GPC1: variants seen among roughly 807,000 people sequenced by gnomAD.
GPC1 encodes glypican-1.
In GPC1, 26 loss-of-function variants were observed where a neutral mutation model predicts 51.5. The ratio of observed to expected loss-of-function variants is 0.50; its 90% CI spans 0.37 to 0.70. GPC1 has a LOEUF of 0.70. Ranked by LOEUF, GPC1 falls within the 30% of genes least tolerant of loss-of-function variation. The pLI is 0.00. For synonymous variants in GPC1, 380 were observed against 348.3 expected, an observed-to-expected ratio of 1.09 and a Z score of -1.01; for missense variants, 775 against 800.5, an observed-to-expected ratio of 0.97 and a Z score of 0.38.
chr2:240,436,678 G>T (rs775821478), intron 1 of GPC1, among the ~76,000 whole-genome samples: 1 of 152,252 alleles, frequency 6.6e-6, no homozygotes, highest in Non-Finnish European at 1.5e-5. Context: ...AGTGCGGAGG[G>T]GTGGGGAGGG....
At chr2:240,453,710 C>T (rs1250471959) in intron 1 of GPC1, among the ~76,000 whole-genome samples, 2 of 151,344 alleles carry the variant, frequency 1.3e-5, no homozygotes, top group Admixed American at 6.6e-5. Context: ...GGGCCGCCGG[C>T]GCTGCTGCGT....
intron 1 of GPC1, among the ~76,000 whole-genome samples, chr2:240,456,253 A>G (rs2074161949): frequency 6.6e-6 from 1 of 151,908 alleles, no homozygotes; most frequent in Non-Finnish European, 1.5e-5. Flanking sequence ...GGGAGCTCCC[A>G]TATCTTACGG....
At chr2:240,458,886 C>T in intron 1 of GPC1, 144 bp from the exon 2 acceptor site, 1 of 669,098 alleles carries the variant, frequency 1.5e-6, no homozygotes, top group Non-Finnish European at 2.5e-6. Flanking sequence ...CTTCTGCCTT[C>T]ACCCAGGGCA....
At position 240,459,124 on chromosome 2, in the gene GPC1, C is replaced by G. The variant is rs779059220; in HGVS notation, c.261C>G (p.Thr87=). ...ACCGCAGCCATGCCGAGCTGGAGAC[C>G]GCGCTCCGGGACAGCAGCCGCGTCC... ...LANRSHAELE[T]ALRDSSRVLQ... The change falls in exon 2 of 9, where the codon ACC becomes ACG. Residue 87 remains threonine (T), a synonymous_variant. Coordinates refer to ENST00000264039, the MANE Select transcript of GPC1 (RefSeq NM_002081.3). 8 of 1,612,590 alleles carry G rather than the reference C, an allele frequency of 5.0e-6. No homozygotes were observed. The highest frequency in any genetic ancestry group is 2.7e-5 in the African/African-American group (2 of 74,934).
chr2:240,462,183 G>A lies in GPC1; in HGVS notation c.326-8G>A, dbSNP rs572933135. Reference sequence around the variant, plus strand: ...ATGGTCCCGATCACGCCCCCTCCCTGTGCGCAGACCACTTCCAGCACCTGC... The same window carrying A: ...ATGGTCCCGATCACGCCCCCTCCCTATGCGCAGACCACTTCCAGCACCTGC... On this transcript the variant is annotated splice_region_variant and splice_polypyrimidine_tract_variant and intron_variant, in intron 2 of 8. Transcript: ENST00000264039. The A allele has an allele frequency of 2.5e-6, 4 of 1,575,864 alleles. No individual in the cohort carries two copies. The African/African-American group carries it at 4.0e-5, about 16-fold the overall frequency.
intron 1 of GPC1, among the ~76,000 whole-genome samples, chr2:240,443,404 C>T (rs755623169): frequency 5.3e-5 from 8 of 152,200 alleles, no homozygotes; most frequent in African/African-American, 9.6e-5. Flanking sequence ...TCTCCTGAGG[C>T]GGTGGCTGGC....
chr2:240,445,759 C>T (rs1480328828), intron 1 of GPC1, among the ~76,000 whole-genome samples: 1 of 152,156 alleles, frequency 6.6e-6, no homozygotes, highest in Non-Finnish European at 1.5e-5. Context: ...TGTTCCGGGA[C>T]CTGGGGCTTG....
chr2:240,436,206 G>A (rs2073982713), intron 1 of GPC1, 122 bp downstream of exon 1: 1 of 628,866 alleles, frequency 1.6e-6, no homozygotes, highest in Non-Finnish European at 2.3e-6. Flanking sequence ...CCCGCCGCCC[G>A]GGCCCCGAAT....
intron 1 of GPC1, chr2:240,455,966 G>A (rs547184054): frequency 9.8e-5 from 41 of 417,362 alleles, no homozygotes; most frequent in South Asian, 5.7e-4. Flanking sequence ...CCAGGCCTTC[G>A]CCCGCCTTGC....
At chr2:240,454,320 A>G (rs2151792154) in intron 1 of GPC1, among the ~76,000 whole-genome samples, 1 of 152,300 alleles carries the variant, frequency 6.6e-6, no homozygotes, top group South Asian at 2.1e-4. Context: ...GGTGGTCCCC[A>G]GGAAACCCCC....
At chr2:240,437,608 A>C (rs2073992203) in intron 1 of GPC1, among the ~76,000 whole-genome samples, 1 of 152,174 alleles carries the variant, frequency 6.6e-6, no homozygotes, top group Non-Finnish European at 1.5e-5. Flanking sequence ...GATGCCAGGC[A>C]GCACAAGGCC....
At chr2:240,459,305 G>A (rs935495880) in intron 2 of GPC1, 117 bp downstream of exon 2, 1 of 1,009,416 alleles carries the variant, frequency 9.9e-7, no homozygotes, top group Admixed American at 2.2e-5. Flanking sequence ...AGGAGGAGGT[G>A]GGGGAGTTAG....
At chr2:240,457,227 G>A (rs112122507) in intron 1 of GPC1, among the ~76,000 whole-genome samples, 1,556 of 152,238 alleles carry the variant, frequency 0.01, 17 homozygotes, top group East Asian at 0.037. Context: ...GGCAAGGAGG[G>A]AGCGCTCCAG....
In GPC1 at chr2:240,459,101, C is replaced by G. The variant is rs565369538; in HGVS notation, c.238C>G (p.Arg80Gly). 1.9e-6 allele frequency: 3 copies of G among 1,612,792 alleles called. No individual in the cohort carries two copies. The highest frequency in any genetic ancestry group is 1.7e-4 in the Middle Eastern group (1 of 6,060). The part of the protein sequence containing the change: ...TSEMEENLAN[R>G]SHAELETALR... ...CGAGATGGAGGAGAACCTGGCCAAC[C>G]GCAGCCATGCCGAGCTGGAGACCGC... is the stretch of plus-strand genomic sequence containing the variant. The change falls in exon 2 of 9, where the codon CGC becomes GGC. Residue 80 changes from arginine to glycine, a missense_variant. Physicochemically the swap from Arg to Gly is moderately radical, Grantham distance 125 (BLOSUM62 -2). Coordinates refer to ENST00000264039, the MANE Select transcript of GPC1 (RefSeq NM_002081.3).
intron 1 of GPC1, among the ~76,000 whole-genome samples, chr2:240,437,547 GC>G (rs1260992554): frequency 1.3e-5 from 2 of 152,088 alleles, no homozygotes; most frequent in South Asian, 2.1e-4. Context: ...TTTCCAGGCT[GC>G]CCCCCTCACC....
Position 240,436,096 on chromosome 2 carries a change from C to A in GPC1, c.166+12C>A. On this transcript the variant is annotated intron_variant, in intron 1 of 8. Coordinates refer to ENST00000264039, the MANE Select transcript of GPC1 (RefSeq NM_002081.3). ...GGCGGAGATCTCGGGTGAGTGAGGG[C>A]GCGGCGCCGGGAACCCGGGCCTGGC... 2 of 1,276,324 alleles carry A rather than the reference C, an allele frequency of 1.6e-6. No homozygotes were observed. The highest frequency in any genetic ancestry group is 5.9e-5 in the East Asian group (2 of 33,672). The allele number at this position is 1,276,324 out of a possible 1,614,324, so 79.1% of individuals were successfully genotyped here.
chr2:240,464,685 A>G lies in GPC1; in HGVS notation c.953A>G (p.His318Arg), dbSNP rs1231409000. Residue 318 changes from histidine (H) to arginine (R), a missense_variant, in exon 5 of 9, where the codon CAC becomes CGC. Transcript: ENST00000264039. The part of the protein sequence containing the change: ...SGVESVIGSV[H>R]TWLAEAINAL... ...GTGGAGAGTGTCATCGGCAGCGTGC[A>G]CACGTGGCTGGCGGAGGCCATCAAC... is the stretch of plus-strand genomic sequence containing the variant. The G allele has an allele frequency of 6.2e-7, 1 of 1,612,976 alleles. No individual in the cohort carries two copies. The highest frequency in any genetic ancestry group is 8.5e-7 in the Non-Finnish European group (1 of 1,179,896).
At chr2:240,450,826 G>A (rs1331806288) in intron 1 of GPC1, 1 of 466,586 alleles carries the variant, frequency 2.1e-6, no homozygotes, top group Non-Finnish European at 4.4e-6. Context: ...GCCAGGTAGG[G>A]AGGCAGGAGC....
rs575912870 is a variant in GPC1 at position 240,460,277 on chromosome 2, T to A, written c.325+1089T>A. Among the ~76,000 whole-genome samples the A allele has an allele frequency of 7.9e-5, 12 of 152,154 alleles. 1 individual carries two copies. In the South Asian group the frequency reaches 2.5e-3, roughly 32 times the overall value. On this transcript the variant is annotated intron_variant, in intron 2 of 8. Coordinates refer to ENST00000264039, the MANE Select transcript of GPC1 (RefSeq NM_002081.3). The stretch of plus-strand genomic sequence containing the variant: ...CCCCGCTGGTGTGGGGCCCGTGGGA[T>A]GCGCGTGGCCCCTCTGGGACTCTCC...
Sources: allele counts gnomAD v4.1 joint callset (sites outside exome capture counted in the v4.1 genomes callset), GRCh38; gene constraint gnomAD v4.1.1; transcripts MANE v1.5; gene names NCBI Gene and HGNC (gene_info 2026-07-23, HGNC 2026-07-21).